The following PSMC1 variants were observed in gnomAD, a reference collection of about 807,000 sequenced individuals.
PSMC1 encodes the protein proteasome 26S subunit, ATPase 1, also known as 26S proteasome regulatory subunit 4.
PSMC1 carries 5 observed loss-of-function variants against 49.8 expected under a neutral mutation model. The ratio of observed to expected loss-of-function variants is 0.10; its 90% CI spans 0.05 to 0.21. PSMC1 has a LOEUF of 0.21. PSMC1 is among the 10% of genes least tolerant of loss of function. The pLI is 1.00. For missense variants in PSMC1, 181 were observed against 535.7 expected (o/e 0.34, Z 6.54); for synonymous variants, 155 against 192.1 (o/e 0.81, Z 1.60).
intron 3 of PSMC1, among the ~76,000 whole-genome samples, chr14:90,262,763 G>A (rs1891425509): frequency 6.7e-6 from 1 of 150,254 alleles, no homozygotes; most frequent in African/African-American, 2.5e-5. Context: ...CAGCCTGGGC[G>A]ACAGAGCAAC....
rs1891699260 is a variant in PSMC1 at position 90,272,614 on chromosome 14, C to G, written c.*207C>G. ...AGTCTGCTTCCCAATAAAGCGTGCT[C>G]TTTCACAAACACTTCCTGTTTCTGC... On this transcript the variant is annotated 3_prime_UTR_variant, in exon 11 of 11. Transcript: ENST00000261303. This position sits in a 1 kb window ranked among gnomAD's most constrained non-coding sequence, Gnocchi z 4.5. 1 of 474,312 alleles carries G rather than the reference C, an allele frequency of 2.1e-6. No individual in the cohort carries two copies. The highest frequency in any genetic ancestry group is 4.2e-5 in the East Asian group (1 of 23,896). The allele number at this position is 474,312 out of a possible 1,614,324, so 29.4% of individuals were successfully genotyped here. A position where few individuals can be genotyped will look rare whatever the true frequency, so the allele number is the denominator to read the frequency against.
rs768218999 is a variant in PSMC1, at chr14:90,263,812, C to T, written c.430C>T (p.Leu144=). The T allele has an allele frequency of 1.2e-5, 20 of 1,614,146 alleles. No homozygotes were observed. In the South Asian group the frequency reaches 2.2e-4, roughly 18 times the overall value. Residue 144 remains leucine, a synonymous_variant, in exon 5 of 11, where the codon CTG becomes TTG. Coordinates refer to ENST00000261303, the MANE Select transcript of PSMC1 (RefSeq NM_002802.3). ...SILSFVDKDL[L]EPGCSVLLNH... is the part of the protein sequence containing the mutation. Reference sequence around the variant, plus strand: ...TCTTTCATTTGTAGACAAGGATCTGCTGGAACCTGGCTGCTCGGTCCTGCT... The same window carrying T: ...TCTTTCATTTGTAGACAAGGATCTGTTGGAACCTGGCTGCTCGGTCCTGCT...
At chr14:90,268,465 C>A in intron 8 of PSMC1, 52 bp downstream of exon 8, 1 of 1,560,606 alleles carries the variant, frequency 6.4e-7, no homozygotes, top group Admixed American at 1.7e-5. Context: ...CACCGCATAG[C>A]TCTTCTCTTG....
At chr14:90,270,127 T>G in intron 9 of PSMC1, 71 bp from the exon 10 acceptor site, 1 of 1,544,144 alleles carries the variant, frequency 6.5e-7, no homozygotes, top group East Asian at 2.3e-5. Context: ...GGAGATGGGC[T>G]GAGGCCTCTG....
chr14:90,264,196 GGTTTCA>G (rs1223126706), intron 6 of PSMC1, 27 bp downstream of exon 6: 1 of 1,609,216 alleles, frequency 6.2e-7, no homozygotes. Flanking sequence ...ACCATCTCTG[GGTTTCA>G]GTTTTGGTTT....
chr14:90,259,045 T>A, intron 1 of PSMC1, 115 bp from the exon 2 acceptor site: 1 of 895,854 alleles, frequency 1.1e-6, no homozygotes, highest in South Asian at 2.4e-5. Context: ...AATGTTCAAA[T>A]GAGGGAGAAA....
At chr14:90,263,946 C>T (rs749885472) in intron 5 of PSMC1, 95 bp from the exon 6 acceptor site, 297 of 1,583,232 alleles carry the variant, frequency 1.9e-4, no homozygotes, top group Non-Finnish European at 2.3e-4. Flanking sequence ...CAAAGCACTC[C>T]TCAGGCAGAA....
chr14:90,267,129 T>C (rs1891536662), intron 7 of PSMC1, among the ~76,000 whole-genome samples: 1 of 150,334 alleles, frequency 6.7e-6, no homozygotes. Context: ...CTTGTTTTTC[T>C]TTTCTTTTTT....
chr14:90,273,767 C>G lies in PSMC1; in HGVS notation c.*1360C>G, dbSNP rs1159090196. The stretch of plus-strand genomic sequence containing the variant: ...GTGGGCCAGCTGAGGTCAGCATTTC[C>G]TTGCTGGCTGCCAGCTGAGGCCTTT... On this transcript the variant is annotated 3_prime_UTR_variant, in exon 11 of 11. Transcript: ENST00000261303. 6.5e-6 allele frequency: 1 copy of G among 154,742 alleles called. No homozygotes were observed. The highest frequency in any genetic ancestry group is 2.4e-5 in the African/African-American group (1 of 41,504). The allele number at this position is 154,742 out of a possible 1,614,324, so 9.6% of individuals were successfully genotyped here. A position where few individuals can be genotyped will look rare whatever the true frequency, so the allele number is the denominator to read the frequency against.
rs1595048033 is a variant in PSMC1 at position 90,272,573 on chromosome 14, T to C, written c.*166T>C. ...GTGTAAGTGCCCATTGGGTGGCCTG[T>C]TGGTCACTGTGCAGCAGTCTGCTTC... On this transcript the variant is annotated 3_prime_UTR_variant, in exon 11 of 11. Coordinates refer to ENST00000261303, the MANE Select transcript of PSMC1 (RefSeq NM_002802.3). This position sits in a 1 kb window ranked among gnomAD's most constrained non-coding sequence, Gnocchi z 4.5. 3 of 569,206 alleles carry C rather than the reference T, an allele frequency of 5.3e-6. No homozygotes were observed. The allele number at this position is 569,206 out of a possible 1,614,324, so 35.3% of individuals were successfully genotyped here.
At chr14:90,269,786 T>G in intron 9 of PSMC1, 3 of 430,186 alleles carry the variant, frequency 7.0e-6, no homozygotes, top group Non-Finnish European at 1.2e-5. Context: ...TTCCATAACA[T>G]TCCCTTTTTA....
chr14:90,260,549 G>C (rs534003669), intron 3 of PSMC1, among the ~76,000 whole-genome samples: 1 of 152,240 alleles, frequency 6.6e-6, no homozygotes, highest in South Asian at 2.1e-4. Context: ...GGCAAAACAC[G>C]GTGAAACCCT....
intron 10 of PSMC1, chr14:90,270,634 A>G (rs1376845943): frequency 3.4e-5 from 10 of 293,028 alleles, no homozygotes; most frequent in Non-Finnish European, 6.4e-5. Flanking sequence ...AGGTGTGTCA[A>G]ATGTAGCTGC....
intron 3 of PSMC1, 140 bp downstream of exon 3, chr14:90,260,351 C>T: frequency 1.6e-6 from 1 of 640,600 alleles, no homozygotes; most frequent in Non-Finnish European, 2.7e-6. Flanking sequence ...TTCTACCTCA[C>T]TCTTGAGTGT....
Position 90,269,166 on chromosome 14 carries a change from CT to C in PSMC1, c.882-229del, listed in dbSNP as rs1396154782. 3 of 498,734 alleles carry C rather than the reference CT, an allele frequency of 6.0e-6. No individual in the cohort carries two copies. In the Admixed American group the frequency reaches 1.0e-4, roughly 17 times the overall value. The allele number at this position is 498,734 out of a possible 1,614,324, so 30.9% of individuals were successfully genotyped here. A position where few individuals can be genotyped will look rare whatever the true frequency, so the allele number is the denominator to read the frequency against. On this transcript the variant is annotated intron_variant, in intron 8 of 10. Coordinates refer to ENST00000261303, the MANE Select transcript of PSMC1 (RefSeq NM_002802.3). ...TAGCCCTTTCCAAAAGGCCTCATCTCTTAGCCACACAGTAGGGATTAAGTTT... is the reference window on the plus strand; with the variant it reads ...TAGCCCTTTCCAAAAGGCCTCATCTCTAGCCACACAGTAGGGATTAAGTTT...
Position 90,263,408 on chromosome 14 carries a change from A to C in PSMC1, c.245A>C (p.Gln82Pro). Residue 82 changes from glutamine (Q) to proline (P), a missense_variant, in exon 4 of 11, where the codon CAG becomes CCG. By Grantham distance (76) the Gln-to-Pro change is moderately conservative (BLOSUM62 -1). Coordinates refer to ENST00000261303, the MANE Select transcript of PSMC1 (RefSeq NM_002802.3). ...ATGGAGGAAGAATTCATTAGAAATC[A>C]GGAACAAATGAAACCATTAGAAGAA... Reference protein sequence around the residue: ...LLMEEEFIRNQEQMKPLEEKQ... With the variant: ...LLMEEEFIRNPEQMKPLEEKQ... 6.3e-7 allele frequency: 1 copy of C among 1,590,092 alleles called. No homozygotes were observed. The highest frequency in any genetic ancestry group is 8.5e-7 in the Non-Finnish European group (1 of 1,171,292).
Position 90,260,227 on chromosome 14 carries a change from C to T in PSMC1, c.154+16C>T. On this transcript the variant is annotated intron_variant, in intron 3 of 10. Transcript: ENST00000261303. ...CTGCCACTGGGTAATGACATGGCTTCTCCTTGCCATCTTTCCAGTTCTTAG... is the reference window on the plus strand; with the variant it reads ...CTGCCACTGGGTAATGACATGGCTTTTCCTTGCCATCTTTCCAGTTCTTAG... The T allele has an allele frequency of 1.3e-6, 2 of 1,549,804 alleles. No individual in the cohort carries two copies.
At position 90,272,146 on chromosome 14, in the gene PSMC1, G is replaced by A. The variant is rs1454622583; in HGVS notation, c.1189-127G>A. On this transcript the variant is annotated intron_variant, in intron 10 of 10. Transcript: ENST00000261303. This position sits in a 1 kb window ranked among gnomAD's most constrained non-coding sequence, Gnocchi z 4.5. ...TGACCTTAGGCGATCCACCTGCCTCGGCCTCCCAGAGTGCTGGGATTACAG... is the reference window on the plus strand; with the variant it reads ...TGACCTTAGGCGATCCACCTGCCTCAGCCTCCCAGAGTGCTGGGATTACAG... 1.2e-5 allele frequency: 12 copies of A among 1,000,582 alleles called. No individual in the cohort carries two copies. The highest frequency in any genetic ancestry group is 3.4e-5 in the African/African-American group (2 of 59,500). 62.0% of individuals were successfully genotyped at this position (1,000,582 alleles called of 1,614,324 possible).
At chr14:90,258,265 C>T (rs1009220416) in intron 1 of PSMC1, among the ~76,000 whole-genome samples, 2 of 152,104 alleles carry the variant, frequency 1.3e-5, no homozygotes, top group Non-Finnish European at 2.9e-5. Flanking sequence ...TGGGATAATA[C>T]TTGGAGAATG....
Sources: gnomAD v4.1 joint callset for allele counts (sites outside exome capture counted in the v4.1 genomes callset) on GRCh38, gnomAD v4.1.1 for gene constraint, Gnocchi (gnomAD v3.1) non-coding constraint, MANE v1.5 for transcripts, NCBI Gene and HGNC (gene_info 2026-07-23, HGNC 2026-07-21) for gene names.